MCU: variants seen among roughly 807,000 people sequenced by gnomAD.
MCU encodes calcium uniporter protein, mitochondrial.
A neutral mutation model predicts 45.2 loss-of-function variants in MCU; 12 were observed. That is an observed-to-expected ratio of 0.27 (90% CI 0.17 to 0.43). The LOEUF is 0.43. Among genes scored for constraint, MCU ranks in the 20% least tolerant of loss-of-function variants. The probability of loss-of-function intolerance (pLI) is 1.00; values close to 1 mark genes in which losing one functional copy is unlikely to be tolerated. For missense variants in MCU, 324 were observed against 436.7 expected, an observed-to-expected ratio of 0.74 and a Z score of 2.30; for synonymous variants, 160 against 165.1, an observed-to-expected ratio of 0.97 and a Z score of 0.24.
Position 72,693,847 on chromosome 10 carries a change from T to A in MCU, c.150+1546T>A, listed in dbSNP as rs79237557. 2.6e-3 allele frequency among the ~76,000 whole-genome samples: 398 copies of A among 152,374 alleles called. 2 individuals are homozygous for A. The highest frequency in any genetic ancestry group is 9.0e-3 in the African/African-American group (375 of 41,596). On this transcript the variant is annotated intron_variant, in intron 1 of 7. Coordinates refer to ENST00000373053, the MANE Select transcript of MCU (RefSeq NM_138357.3). ...GATTGCATTCCCCTTTCCGTCGAAC[T>A]ACTTAAAGGCTTCCCAAGTTGTCCT...
intron 2 of MCU, 46 bp downstream of exon 2, chr10:72,834,474 C>T (rs767409311): frequency 2.0e-6 from 3 of 1,515,282 alleles, no homozygotes; most frequent in Admixed American, 3.4e-5. Context: ...TTATTTCCTT[C>T]TTAGCTCAGT....
At chr10:72,692,999 T>C (rs1172701003) in intron 1 of MCU, 30 of 1,535,172 alleles carry the variant, frequency 2.0e-5, no homozygotes, top group Non-Finnish European at 2.5e-5. Flanking sequence ...CGAGGGCTAC[T>C]GTATAAGCGT....
chr10:72,849,066 G>T (rs1324701334), intron 2 of MCU, among the ~76,000 whole-genome samples: 1 of 151,914 alleles, frequency 6.6e-6, no homozygotes, highest in African/African-American at 2.4e-5. Flanking sequence ...GGATCACGAG[G>T]TCAGGCATTC....
intron 1 of MCU, among the ~76,000 whole-genome samples, chr10:72,817,541 G>A (rs1331786972): frequency 2.0e-5 from 3 of 152,168 alleles, no homozygotes; most frequent in African/African-American, 7.2e-5. Context: ...TTATTAAGTG[G>A]TTACTATAAA....
intron 1 of MCU, among the ~76,000 whole-genome samples, chr10:72,765,145 A>C (rs556581427): frequency 5.9e-5 from 9 of 151,994 alleles, no homozygotes; most frequent in Non-Finnish European, 8.8e-5. Context: ...TTTAATGAAA[A>C]GATTTTTGTG....
intron 1 of MCU, among the ~76,000 whole-genome samples, chr10:72,739,564 A>C (rs1255282690): frequency 6.6e-6 from 1 of 152,172 alleles, no homozygotes; most frequent in African/African-American, 2.4e-5. Context: ...TTTCGTTTTA[A>C]AGAAAGCCAA....
intron 7 of MCU, 98 bp downstream of exon 7, chr10:72,884,480 A>G: frequency 1.4e-6 from 1 of 714,238 alleles, no homozygotes. Flanking sequence ...AACTGAAGGA[A>G]TGTTCCAACC....
chr10:72,713,532 G>A (rs1365396244), intron 1 of MCU, among the ~76,000 whole-genome samples: 1 of 152,108 alleles, frequency 6.6e-6, no homozygotes, highest in Non-Finnish European at 1.5e-5. Flanking sequence ...TGCCCGCCTC[G>A]CTAGTGCTGG....
chr10:72,834,887 C>T (rs760242634), intron 2 of MCU, among the ~76,000 whole-genome samples: 1 of 152,070 alleles, frequency 6.6e-6, no homozygotes, highest in South Asian at 2.1e-4. Flanking sequence ...CTCGAACCCA[C>T]GTGATCCGCC....
intron 1 of MCU, among the ~76,000 whole-genome samples, chr10:72,714,398 GC>G (rs1842934131): frequency 1.7e-5 from 2 of 118,938 alleles, no homozygotes; most frequent in Non-Finnish European, 3.4e-5. Flanking sequence ...TGTTGCCCAG[GC>G]CCAGGCTGGC....
intron 5 of MCU, 134 bp downstream of exon 5, chr10:72,868,997 AC>A: frequency 1.1e-6 from 1 of 921,522 alleles, no homozygotes; most frequent in Non-Finnish European, 1.6e-6. Flanking sequence ...ATGGGACTGA[AC>A]CATAAAAAAG....
intron 2 of MCU, among the ~76,000 whole-genome samples, chr10:72,856,784 A>G (rs1010968378): frequency 2.3e-5 from 3 of 128,356 alleles, no homozygotes; most frequent in Non-Finnish European, 3.2e-5. Flanking sequence ...AAAAAAAAAA[A>G]AAAAAAAAAA....
At chr10:72,693,410 C>T (rs1034963595) in intron 1 of MCU, among the ~76,000 whole-genome samples, 1 of 152,160 alleles carries the variant, frequency 6.6e-6, no homozygotes, top group Non-Finnish European at 1.5e-5. Context: ...TGGAGGATCA[C>T]TGCAAACAGC....
chr10:72,745,627 C>T (rs898637384), intron 1 of MCU, among the ~76,000 whole-genome samples: 6 of 152,146 alleles, frequency 3.9e-5, no homozygotes, highest in African/African-American at 1.4e-4. Flanking sequence ...ACAATGTTTT[C>T]ACTGAGAGCC....
At chr10:72,863,059 C>T (rs373739973) in intron 4 of MCU, among the ~76,000 whole-genome samples, 1 of 152,102 alleles carries the variant, frequency 6.6e-6, no homozygotes, top group African/African-American at 2.4e-5. Flanking sequence ...TTTCTCTCCA[C>T]TGTGTATTCC....
At chr10:72,701,215 AAT>A (rs1842755226) in intron 1 of MCU, among the ~76,000 whole-genome samples, 1 of 152,232 alleles carries the variant, frequency 6.6e-6, no homozygotes, top group African/African-American at 2.4e-5. Flanking sequence ...TAGATAGAGG[AAT>A]AGATATAGAA....
chr10:72,871,231 A>G, intron 5 of MCU, 146 bp from the exon 6 acceptor site: 1 of 738,280 alleles, frequency 1.4e-6, no homozygotes. Flanking sequence ...AACTGCAGAT[A>G]CTATTTAGGA....
chr10:72,738,644 G>A (rs61864436), intron 1 of MCU, among the ~76,000 whole-genome samples: 1 of 152,350 alleles, frequency 6.6e-6, no homozygotes, highest in South Asian at 2.1e-4. Context: ...CTGTGGAAAT[G>A]CTATATTTGG....
intron 3 of MCU, chr10:72,860,139 C>T (rs1184382553): frequency 6.0e-6 from 2 of 331,224 alleles, no homozygotes; most frequent in Admixed American, 4.1e-5. Flanking sequence ...TACAGCTGTC[C>T]CAGTGACCCT....
Sources: gnomAD v4.1 joint callset for allele counts (sites outside exome capture counted in the v4.1 genomes callset) on GRCh38, gnomAD v4.1.1 for gene constraint, MANE v1.5 for transcripts, NCBI Gene and HGNC (gene_info 2026-07-23, HGNC 2026-07-21) for gene names.